VPS13A: variants seen among roughly 807,000 people sequenced by gnomAD.
VPS13A encodes vacuolar protein sorting 13 homolog A.
VPS13A carries 264 observed loss-of-function variants against 390.9 expected under a neutral mutation model. The ratio of observed to expected loss-of-function variants is 0.68; its 90% confidence interval spans 0.61 to 0.75. The LOEUF is 0.75. VPS13A is among the 30% of genes least tolerant of loss of function. VPS13A has a pLI of 0.00. For synonymous variants in VPS13A, 1,231 were observed against 1,227.1 expected (o/e 1.00, Z -0.07); for missense variants, 3,409 against 3,733.9 (o/e 0.91, Z 2.27).
chr9:77,356,297 G>T (rs1831775007), intron 54 of VPS13A, among the ~76,000 whole-genome samples: 1 of 152,062 alleles, frequency 6.6e-6, no homozygotes, highest in Non-Finnish European at 1.5e-5. Context: ...CTTTCTCAAT[G>T]AATCCCCCAT....
At chr9:77,239,008 C>A (rs1226810057) in intron 19 of VPS13A, among the ~76,000 whole-genome samples, 2 of 151,912 alleles carry the variant, frequency 1.3e-5, no homozygotes, top group African/African-American at 2.4e-5. Flanking sequence ...CATATCTATA[C>A]CTATTCATTA....
At chr9:77,187,675 C>G (rs1824424825) in intron 1 of VPS13A, among the ~76,000 whole-genome samples, 1 of 151,942 alleles carries the variant, frequency 6.6e-6, no homozygotes, top group African/African-American at 2.4e-5. Context: ...GCAAATATTT[C>G]CCATTTTGTG....
chr9:77,408,088 A>C (rs1178408621), intron 71 of VPS13A, among the ~76,000 whole-genome samples: 2 of 152,214 alleles, frequency 1.3e-5, no homozygotes, highest in Non-Finnish European at 2.9e-5. Flanking sequence ...TGACTATAGA[A>C]TCTTGCAGAA....
chr9:77,180,533 A>C (rs66539389), intron 1 of VPS13A, among the ~76,000 whole-genome samples: 31,110 of 152,158 alleles, frequency 0.2, 3,374 homozygotes, highest in Middle Eastern at 0.26. Flanking sequence ...CCAAAGTCAA[A>C]GATGTTCTCC....
chr9:77,178,070 C>A (rs1227651032), intron 1 of VPS13A: 11 of 394,286 alleles, frequency 2.8e-5, no homozygotes, highest in South Asian at 1.3e-4. Context: ...GCGGACTTGC[C>A]GTGGGCTCCG....
intron 39 of VPS13A, among the ~76,000 whole-genome samples, chr9:77,317,083 A>G (rs1829441882): frequency 6.6e-6 from 1 of 152,046 alleles, no homozygotes; most frequent in African/African-American, 2.4e-5. Context: ...CATCTATAGA[A>G]GCATAAATGT....
At chr9:77,184,514 G>A (rs1824212030) in intron 1 of VPS13A, among the ~76,000 whole-genome samples, 1 of 152,128 alleles carries the variant, frequency 6.6e-6, no homozygotes, top group Non-Finnish European at 1.5e-5. Context: ...AGCTACTTGG[G>A]AGGCTGAGAC....
At chr9:77,404,096 A>T (rs1366560720) in intron 69 of VPS13A, among the ~76,000 whole-genome samples, 1 of 152,222 alleles carries the variant, frequency 6.6e-6, no homozygotes, top group Non-Finnish European at 1.5e-5. Flanking sequence ...CTTATTTAAA[A>T]AGTAACACCA....
At chr9:77,186,712 A>G (rs757621040) in intron 1 of VPS13A, among the ~76,000 whole-genome samples, 33 of 152,230 alleles carry the variant, frequency 2.2e-4, no homozygotes, top group Non-Finnish European at 3.8e-4. Context: ...CTGGGATTAC[A>G]GGTGTGACCC....
rs778364299 is a variant in VPS13A, at chr9:77,416,929, A to G, written c.*923A>G. 1 of 152,592 alleles carries G rather than the reference A, an allele frequency of 6.6e-6. No homozygotes were observed. The highest frequency in any genetic ancestry group is 1.5e-5 in the Non-Finnish European group (1 of 68,022). The allele number at this position is 152,592 out of a possible 1,614,324, so 9.5% of individuals were successfully genotyped here. A position where few individuals can be genotyped will look rare whatever the true frequency, so the allele number is the denominator to read the frequency against. ...TCATATAAAGTTTATGTACCCTAAAATCTAACCCAATAACCTGTCCCGTTG... is the reference window on the plus strand; with the variant it reads ...TCATATAAAGTTTATGTACCCTAAAGTCTAACCCAATAACCTGTCCCGTTG... On this transcript the variant is annotated 3_prime_UTR_variant, in exon 72 of 72. Coordinates refer to ENST00000360280, the MANE Select transcript of VPS13A (RefSeq NM_033305.3).
At chr9:77,411,219 A>T (rs1834903970) in intron 71 of VPS13A, among the ~76,000 whole-genome samples, 1 of 152,212 alleles carries the variant, frequency 6.6e-6, no homozygotes, top group Non-Finnish European at 1.5e-5. Context: ...AGGCAGAAAT[A>T]AAGATGTTCT....
intron 23 of VPS13A, among the ~76,000 whole-genome samples, chr9:77,272,739 C>T (rs1826423159): frequency 6.6e-6 from 1 of 152,120 alleles, no homozygotes; most frequent in Non-Finnish European, 1.5e-5. Context: ...GGGAGGAACA[C>T]ATAAGAAGAT....
At chr9:77,251,029 A>G (rs1337717037) in intron 21 of VPS13A, among the ~76,000 whole-genome samples, 1 of 152,242 alleles carries the variant, frequency 6.6e-6, no homozygotes, top group Non-Finnish European at 1.5e-5. Flanking sequence ...GCTAACCAAT[A>G]AAAGGAGAAA....
At chr9:77,409,143 T>C (rs1834779210) in intron 71 of VPS13A, among the ~76,000 whole-genome samples, 1 of 152,200 alleles carries the variant, frequency 6.6e-6, no homozygotes, top group African/African-American at 2.4e-5. Flanking sequence ...TTCACCAATA[T>C]CTGCTGTTCT....
At chr9:77,288,411 A>G (rs1019163235) in intron 31 of VPS13A, among the ~76,000 whole-genome samples, 1 of 152,198 alleles carries the variant, frequency 6.6e-6, no homozygotes, top group African/African-American at 2.4e-5. Flanking sequence ...TTGCTGCTAT[A>G]AATTTTCCTT....
intron 33 of VPS13A, among the ~76,000 whole-genome samples, chr9:77,297,591 G>A (rs565398714): frequency 1.3e-5 from 2 of 151,724 alleles, no homozygotes; most frequent in African/African-American, 4.8e-5. Context: ...GGGGGGCAGG[G>A]TTGTTTCAAG....
chr9:77,338,263 C>T (rs1830638768), intron 47 of VPS13A: 1 of 152,250 alleles, frequency 6.6e-6, no homozygotes. Flanking sequence ...TGAGCCAGTA[C>T]ACCCAGCCGT....
At chr9:77,281,992 A>T (rs1323635164) in intron 28 of VPS13A, 66 bp downstream of exon 28, 1 of 1,366,096 alleles carries the variant, frequency 7.3e-7, no homozygotes, top group Non-Finnish European at 1.0e-6. Flanking sequence ...TCTAACTGGA[A>T]TTGTAAGATC....
intron 34 of VPS13A, among the ~76,000 whole-genome samples, chr9:77,303,939 C>G (rs1435619644): frequency 6.6e-6 from 1 of 152,046 alleles, no homozygotes; most frequent in Non-Finnish European, 1.5e-5. Flanking sequence ...AGACAGTGGC[C>G]TTCCTCTATC....
Sources: allele counts gnomAD v4.1 joint callset (sites outside exome capture counted in the v4.1 genomes callset), GRCh38; gene constraint gnomAD v4.1.1; transcripts MANE v1.5; gene names NCBI Gene and HGNC (gene_info 2026-07-23, HGNC 2026-07-21).